Variants in MORC1 observed in about 807,000 individuals in gnomAD.
The protein encoded by MORC1 is MORC family CW-type zinc finger protein 1.
In MORC1, 59 loss-of-function variants were observed where a neutral mutation model predicts 134.9. The ratio of observed to expected loss-of-function variants is 0.44; its 90% CI spans 0.35 to 0.54. The LOEUF is 0.54. Among genes scored for constraint, MORC1 ranks in the 20% least tolerant of loss-of-function variants. MORC1 has a pLI of 0.00. For synonymous variants in MORC1, 395 were observed against 391.7 expected (o/e 1.01, Z -0.10); for missense variants, 947 against 1,134.5 (o/e 0.83, Z 2.37).
At chr3:109,048,456 T>A (rs1357816165) in intron 14 of MORC1, among the ~76,000 whole-genome samples, 1 of 152,214 alleles carries the variant, frequency 6.6e-6, no homozygotes, top group Non-Finnish European at 1.5e-5. Flanking sequence ...CCAGTTCACC[T>A]ACAAGTTGAT....
chr3:109,054,305 T>C (rs1173163490), intron 14 of MORC1, among the ~76,000 whole-genome samples: 1 of 151,350 alleles, frequency 6.6e-6, no homozygotes, highest in Non-Finnish European at 1.5e-5. Context: ...AAGTTTAACA[T>C]ATCTACAATT....
In MORC1 at chr3:109,110,784, C is replaced by A. The variant is rs759374396; in HGVS notation, c.120-1G>T. ...ATCAAGTCTTTCAGCCCCTGCATCT[C>A]TGGAAACAATACAAAAATATTATTT... is the stretch of plus-strand genomic sequence containing the variant. On this transcript the variant is annotated splice_acceptor_variant, in intron 2 of 27. Transcript: ENST00000232603. LOFTEE classifies it high-confidence loss of function. 29 of 1,585,596 alleles carry A rather than the reference C, an allele frequency of 1.8e-5. No individual in the cohort carries two copies. Among genetic ancestry groups the A allele is most frequent in the Non-Finnish European group, 2.4e-5 (28 of 1,172,192 alleles).
intron 8 of MORC1, among the ~76,000 whole-genome samples, chr3:109,081,373 A>C (rs1950516260): frequency 6.6e-6 from 1 of 152,138 alleles, no homozygotes; most frequent in Non-Finnish European, 1.5e-5. Flanking sequence ...GCAATACCAC[A>C]GAACTCAAAT....
chr3:108,993,913 A>G (rs547850852), intron 21 of MORC1, among the ~76,000 whole-genome samples: 286 of 152,328 alleles, frequency 1.9e-3, no homozygotes, highest in African/African-American at 6.6e-3. Context: ...TTTGGCCACC[A>G]TAAAACATAA....
intron 8 of MORC1, among the ~76,000 whole-genome samples, chr3:109,086,000 T>C (rs1355025259): frequency 1.3e-5 from 2 of 152,090 alleles, no homozygotes; most frequent in Non-Finnish European, 2.9e-5. Flanking sequence ...ACAGAATGAC[T>C]AATATAACAT....
chr3:109,091,842 C>A (rs1252909504), intron 8 of MORC1, among the ~76,000 whole-genome samples: 1 of 152,172 alleles, frequency 6.6e-6, no homozygotes, highest in African/African-American at 2.4e-5. Flanking sequence ...TGAAAGTGTA[C>A]ATGTTTTAGG....
At chr3:109,110,824 G>A in intron 2 of MORC1, 41 bp from the exon 3 acceptor site, 1 of 1,469,570 alleles carries the variant, frequency 6.8e-7, no homozygotes, top group East Asian at 2.3e-5. Flanking sequence ...AATATGAAAT[G>A]AATTGCTTAC....
chr3:109,059,103 A>G lies in MORC1; in HGVS notation c.1031+703T>C, dbSNP rs531358035. ...ATGCAAAATTTACATTTAAAATTTAAGTTTTGAGGAAAGTTATGGTTGAAT... is the reference window on the plus strand; with the variant it reads ...ATGCAAAATTTACATTTAAAATTTAGGTTTTGAGGAAAGTTATGGTTGAAT... On this transcript the variant is annotated intron_variant, in intron 12 of 27. Coordinates refer to ENST00000232603, the MANE Select transcript of MORC1 (RefSeq NM_014429.4). 5.9e-5 allele frequency among the ~76,000 whole-genome samples: 9 copies of G among 152,234 alleles called. No homozygotes were observed. The South Asian group carries it at 1.9e-3, about 32-fold the overall frequency.
chr3:109,056,679 C>T (rs1309646720), intron 13 of MORC1, among the ~76,000 whole-genome samples: 1 of 152,164 alleles, frequency 6.6e-6, no homozygotes, highest in African/African-American at 2.4e-5. Flanking sequence ...TACAATGCTG[C>T]ACTATAGGTG....
At chr3:108,989,322 G>A (rs945163216) in intron 21 of MORC1, among the ~76,000 whole-genome samples, 1 of 152,124 alleles carries the variant, frequency 6.6e-6, no homozygotes, top group Admixed American at 6.5e-5. Flanking sequence ...CCTATATCAT[G>A]AAATAGACAA....
intron 2 of MORC1, among the ~76,000 whole-genome samples, chr3:109,113,130 A>G (rs1327928824): frequency 6.6e-6 from 1 of 152,200 alleles, no homozygotes; most frequent in Non-Finnish European, 1.5e-5. Context: ...AGGAGGCAGG[A>G]CCGATGACAT....
chr3:109,095,201 T>C, intron 6 of MORC1, 133 bp from the exon 7 acceptor site: 1 of 794,732 alleles, frequency 1.3e-6, no homozygotes, highest in Non-Finnish European at 1.9e-6. Context: ...TTTCCTCCTA[T>C]AATCTAGTTG....
At chr3:109,043,178 TGGCAAAATGTGG>T (rs60899188) in intron 14 of MORC1, among the ~76,000 whole-genome samples, 3,096 of 31,186 alleles carry the variant, frequency 0.099, 181 homozygotes, top group African/African-American at 0.17. Flanking sequence ...AAGCAAAATG[TGGCAAAATGTGG>T]GGGGGGGGGG....
intron 12 of MORC1, 99 bp downstream of exon 12, chr3:109,059,707 A>T (rs1950036879): frequency 5.1e-6 from 5 of 976,018 alleles, no homozygotes; most frequent in African/African-American, 5.0e-5. Flanking sequence ...AGCTGAAAAA[A>T]AATTGTCACA....
At chr3:108,959,637 TC>T (rs1303134774) in intron 27 of MORC1, among the ~76,000 whole-genome samples, 2 of 152,200 alleles carry the variant, frequency 1.3e-5, no homozygotes, top group African/African-American at 4.8e-5. Context: ...TTTCATGCTC[TC>T]CTTTCCTGGA....
chr3:108,983,660 T>C (rs1025522960), intron 23 of MORC1, among the ~76,000 whole-genome samples: 1 of 152,162 alleles, frequency 6.6e-6, no homozygotes, highest in African/African-American at 2.4e-5. Flanking sequence ...GATCACAGAA[T>C]TTAACAAATA....
At chr3:109,041,172 G>C (rs182594085) in intron 14 of MORC1, among the ~76,000 whole-genome samples, 1 of 151,564 alleles carries the variant, frequency 6.6e-6, no homozygotes. Flanking sequence ...ATAGCCAGGC[G>C]TGGTGGCGGG....
At chr3:109,062,984 A>C (rs1328262453) in intron 10 of MORC1, among the ~76,000 whole-genome samples, 168 bp downstream of exon 10, 1 of 152,202 alleles carries the variant, frequency 6.6e-6, no homozygotes, top group Non-Finnish European at 1.5e-5. Flanking sequence ...AAACAAACTC[A>C]GAGATGGAAA....
At chr3:109,076,328 C>G (rs1950420347) in intron 8 of MORC1, among the ~76,000 whole-genome samples, 1 of 152,066 alleles carries the variant, frequency 6.6e-6, no homozygotes, top group Admixed American at 6.5e-5. Flanking sequence ...AGTCAGGAAA[C>G]AGATACTGGA....
Sources: allele counts gnomAD v4.1 joint callset (sites outside exome capture counted in the v4.1 genomes callset), GRCh38; gene constraint gnomAD v4.1.1; transcripts MANE v1.5; gene names NCBI Gene and HGNC (gene_info 2026-07-23, HGNC 2026-07-21).